CNTN1: variants seen among roughly 807,000 people sequenced by gnomAD.
The protein encoded by CNTN1 is contactin-1.
In CNTN1, 38 loss-of-function variants were observed where a neutral mutation model predicts 126.4. The observed-to-expected ratio is 0.30, with a 90% confidence interval of 0.23 to 0.39. The LOEUF (loss-of-function observed/expected upper bound fraction) is 0.39, where lower values mean the gene tolerates loss of function less well. Ranked by LOEUF, CNTN1 falls within the 10% of genes least tolerant of loss-of-function variation. The pLI is 1.00. For missense variants in CNTN1, 1,009 were observed against 1,248.4 expected (o/e 0.81, Z 2.89); for synonymous variants, 413 against 422.6 (o/e 0.98, Z 0.28).
intron 14 of CNTN1, among the ~76,000 whole-genome samples, chr12:40,949,282 TC>T (rs1566017329): frequency 6.8e-6 from 1 of 147,680 alleles, no homozygotes; most frequent in Admixed American, 6.7e-5. Flanking sequence ...AAGAAAGGTT[TC>T]TTTTTTTATA....
At chr12:41,008,857 C>A (rs1351354139) in intron 17 of CNTN1, among the ~76,000 whole-genome samples, 3 of 152,092 alleles carry the variant, frequency 2.0e-5, no homozygotes, top group East Asian at 1.9e-4. Context: ...TTCTTTGCAC[C>A]AAACGGTAGC....
At chr12:40,834,817 T>A (rs1163361372) in intron 1 of CNTN1, among the ~76,000 whole-genome samples, 1 of 152,130 alleles carries the variant, frequency 6.6e-6, no homozygotes. Context: ...AAGATGATGA[T>A]CATCTTCTAT....
chr12:40,876,846 C>T (rs765358940), intron 1 of CNTN1, among the ~76,000 whole-genome samples: 1 of 152,002 alleles, frequency 6.6e-6, no homozygotes, highest in Non-Finnish European at 1.5e-5. Context: ...GATAGAAGAG[C>T]TTTATGTTGG....
chr12:41,038,251 GT>G (rs1260016916), intron 23 of CNTN1, among the ~76,000 whole-genome samples: 4 of 152,148 alleles, frequency 2.6e-5, no homozygotes, highest in Admixed American at 6.6e-5. Flanking sequence ...GGTTGAAGTA[GT>G]TGAGTAAAGG....
At chr12:40,939,013 A>G (rs1002318754) in intron 11 of CNTN1, among the ~76,000 whole-genome samples, 1 of 152,142 alleles carries the variant, frequency 6.6e-6, no homozygotes, top group Non-Finnish European at 1.5e-5. Context: ...TGGGTAAGCC[A>G]TCTGCCCACC....
At chr12:40,907,895 G>A (rs574591714) in intron 1 of CNTN1, among the ~76,000 whole-genome samples, 4 of 152,206 alleles carry the variant, frequency 2.6e-5, no homozygotes, top group Non-Finnish European at 5.9e-5. Context: ...TAATGTCTGT[G>A]AGTTTACAAG....
In CNTN1 at chr12:40,837,332, C is replaced by G. The variant is rs141933694; in HGVS notation, c.-76-71025C>G. ...GCAGGAAGGAGAAGGGAGAGAGAGACAGTCTGCCTGCCCAGAATCAGCTGG... is the reference window on the plus strand; with the variant it reads ...GCAGGAAGGAGAAGGGAGAGAGAGAGAGTCTGCCTGCCCAGAATCAGCTGG... On this transcript the variant is annotated intron_variant, in intron 1 of 23. Coordinates refer to ENST00000551295, the MANE Select transcript of CNTN1 (RefSeq NM_001843.4). 9.2e-5 allele frequency among the ~76,000 whole-genome samples: 14 copies of G among 152,302 alleles called. No individual in the cohort carries two copies. In the East Asian group the frequency reaches 2.5e-3, roughly 27 times the overall value.
chr12:41,018,667 T>C (rs1264998358), intron 19 of CNTN1, among the ~76,000 whole-genome samples: 1 of 148,760 alleles, frequency 6.7e-6, no homozygotes, highest in East Asian at 2.0e-4. Context: ...TATTTTTTAC[T>C]GCATACAAAA....
At chr12:40,937,018 T>A in intron 10 of CNTN1, 113 bp downstream of exon 10, 1 of 1,361,060 alleles carries the variant, frequency 7.3e-7, no homozygotes, top group African/African-American at 1.4e-5. Context: ...ACTTGGGCCC[T>A]GAAATATAAA....
At chr12:40,704,710 T>C (rs1236837105) in intron 1 of CNTN1, among the ~76,000 whole-genome samples, 6 of 152,194 alleles carry the variant, frequency 3.9e-5, no homozygotes, top group Non-Finnish European at 8.8e-5. Flanking sequence ...ACAATATGAC[T>C]AAATCACTAA....
chr12:40,847,066 C>T (rs1942536349), intron 1 of CNTN1, among the ~76,000 whole-genome samples: 1 of 152,038 alleles, frequency 6.6e-6, no homozygotes, highest in African/African-American at 2.4e-5. Context: ...CGGGGTTTCC[C>T]TATATTGGCC....
At chr12:40,866,762 A>AT (rs968701869) in intron 1 of CNTN1, among the ~76,000 whole-genome samples, 14 of 152,090 alleles carry the variant, frequency 9.2e-5, no homozygotes, top group African/African-American at 2.7e-4. Flanking sequence ...TCACCTGTTT[A>AT]TTTTTTTATA....
At chr12:40,728,183 G>C (rs1942405618) in intron 1 of CNTN1, among the ~76,000 whole-genome samples, 1 of 152,170 alleles carries the variant, frequency 6.6e-6, no homozygotes, top group African/African-American at 2.4e-5. Context: ...CATAATGAAA[G>C]TAGTATAAGT....
At chr12:40,952,948 C>A (rs905033671) in intron 14 of CNTN1, among the ~76,000 whole-genome samples, 1 of 152,108 alleles carries the variant, frequency 6.6e-6, no homozygotes, top group African/African-American at 2.4e-5. Flanking sequence ...TTACTCTGAA[C>A]TTGAATGGAA....
At chr12:40,758,098 A>T (rs556186486) in intron 1 of CNTN1, among the ~76,000 whole-genome samples, 1 of 149,938 alleles carries the variant, frequency 6.7e-6, no homozygotes, top group South Asian at 2.1e-4. Flanking sequence ...AGAGAAAGAA[A>T]TTTTTTCCAC....
At chr12:40,835,095 T>G (rs1485148546) in intron 1 of CNTN1, among the ~76,000 whole-genome samples, 1 of 152,204 alleles carries the variant, frequency 6.6e-6, no homozygotes, top group African/African-American at 2.4e-5. Flanking sequence ...TATGATATTA[T>G]CTTTATAAAA....
chr12:40,878,122 C>T (rs748891832), intron 1 of CNTN1, among the ~76,000 whole-genome samples: 25 of 151,078 alleles, frequency 1.7e-4, no homozygotes, highest in Middle Eastern at 3.4e-3. Flanking sequence ...CTCAGCCTCC[C>T]GAGTAGCTGG....
At chr12:40,955,095 C>G (rs1168679945) in intron 14 of CNTN1, among the ~76,000 whole-genome samples, 1 of 151,974 alleles carries the variant, frequency 6.6e-6, no homozygotes, top group Non-Finnish European at 1.5e-5. Flanking sequence ...TTAACTCTTG[C>G]CCGAAATCAC....
intron 1 of CNTN1, among the ~76,000 whole-genome samples, chr12:40,795,146 G>A (rs186922865): frequency 2.0e-5 from 3 of 152,114 alleles, no homozygotes; most frequent in Non-Finnish European, 2.9e-5. Flanking sequence ...CTTCAAGACT[G>A]TAGGATCACC....
Sources: gnomAD v4.1 joint callset for allele counts (sites outside exome capture counted in the v4.1 genomes callset) on GRCh38, gnomAD v4.1.1 for gene constraint, MANE v1.5 for transcripts, NCBI Gene and HGNC (gene_info 2026-07-23, HGNC 2026-07-21) for gene names.